Variants in CRACD observed in about 807,000 individuals in gnomAD.
The protein encoded by CRACD is capping protein-inhibiting regulator of actin dynamics.
CRACD carries 56 observed loss-of-function variants against 106.8 expected under a neutral mutation model. The observed-to-expected ratio is 0.52, with a 90% CI of 0.42 to 0.66. The LOEUF (loss-of-function observed/expected upper bound fraction) is 0.66, where lower values mean the gene tolerates loss of function less well. CRACD is among the 30% of genes least tolerant of loss of function. CRACD has a pLI of 0.00. For synonymous variants in CRACD, 754 were observed against 670.8 expected (o/e 1.12, Z -1.92); for missense variants, 1,730 against 1,623.2 (o/e 1.07, Z -1.13).
intron 2 of CRACD, among the ~76,000 whole-genome samples, chr4:56,269,754 A>C (rs1452120993): frequency 6.6e-6 from 1 of 151,780 alleles, no homozygotes; most frequent in Non-Finnish European, 1.5e-5. Flanking sequence ...CCACACTTTT[A>C]AGCAACCAGA....
intron 1 of CRACD, among the ~76,000 whole-genome samples, chr4:56,096,517 A>G (rs1319135178): frequency 6.6e-6 from 1 of 152,198 alleles, no homozygotes; most frequent in African/African-American, 2.4e-5. Context: ...GTTCAAGACC[A>G]GCCTGGATGA....
At position 56,199,694 on chromosome 4, in the gene CRACD, G is replaced by GA. The variant is rs992976675; in HGVS notation, c.-189+20268dup. ...GAAACTCCGTCTCAAAAAAAAAAAA[G>GA]AAAAGAAAAAAAAAGAAAAAGAGAA... is the stretch of plus-strand genomic sequence containing the variant. On this transcript the variant is annotated intron_variant, in intron 2 of 10. Transcript: ENST00000682029. Among the ~76,000 whole-genome samples the GA allele has an allele frequency of 1.9e-4, 23 of 120,296 alleles. 1 individual carries two copies. The highest frequency in any genetic ancestry group is 9.8e-4 in the South Asian group (3 of 3,074). The allele number at this position is 120,296 out of a possible 152,430, so 78.9% of individuals were successfully genotyped here. A position where few individuals can be genotyped will look rare whatever the true frequency, so the allele number is the denominator to read the frequency against.
intron 1 of CRACD, among the ~76,000 whole-genome samples, chr4:56,145,500 T>C (rs971340113): frequency 3.3e-5 from 5 of 152,232 alleles, no homozygotes; most frequent in Non-Finnish European, 5.9e-5. Flanking sequence ...AAATGAGTGT[T>C]CAGTGGAACA....
intron 1 of CRACD, among the ~76,000 whole-genome samples, chr4:56,121,387 C>A (rs1332700170): frequency 6.6e-6 from 1 of 152,122 alleles, no homozygotes; most frequent in East Asian, 1.9e-4. Flanking sequence ...CTTCCTATCA[C>A]AATACTGAGC....
chr4:56,293,418 A>AG (rs1176843483), intron 3 of CRACD, among the ~76,000 whole-genome samples: 41 of 152,362 alleles, frequency 2.7e-4, no homozygotes, highest in African/African-American at 9.6e-4. Context: ...CTGCTAAAAA[A>AG]CAAAGATAAA....
At chr4:56,268,748 C>A (rs1369225602) in intron 2 of CRACD, among the ~76,000 whole-genome samples, 1 of 152,174 alleles carries the variant, frequency 6.6e-6, no homozygotes, top group East Asian at 1.9e-4. Context: ...TGGTGCCTTA[C>A]AGAATGTTTT....
At chr4:56,260,657 T>C (rs760048077) in intron 2 of CRACD, among the ~76,000 whole-genome samples, 3 of 152,196 alleles carry the variant, frequency 2.0e-5, no homozygotes, top group African/African-American at 4.8e-5. Flanking sequence ...TGGGTGGGCC[T>C]GATTCAATAC....
intron 6 of CRACD, among the ~76,000 whole-genome samples, chr4:56,312,210 G>C (rs112934810): frequency 3.3e-5 from 5 of 152,258 alleles, no homozygotes; most frequent in African/African-American, 1.2e-4. Context: ...GGCTAGGCTA[G>C]AGTGCAGCCT....
chr4:56,309,345 G>A lies in CRACD; in HGVS notation c.286-1321G>A, dbSNP rs546321288. Among the ~76,000 whole-genome samples, 26 of 152,304 alleles carry A rather than the reference G, an allele frequency of 1.7e-4. No homozygotes were observed. In the South Asian group the frequency reaches 3.7e-3, roughly 22 times the overall value. ...TCTAAGTGTGGTGTGGAGAACAGAC[G>A]GAGGTAGGGCAAGCTGACATGGTTG... On this transcript the variant is annotated intron_variant, in intron 5 of 10. Transcript: ENST00000682029.
intron 1 of CRACD, 50 bp from the exon 2 acceptor site, chr4:56,179,232 AAG>A (rs1233067734): frequency 1.3e-5 from 2 of 152,020 alleles, no homozygotes; most frequent in Non-Finnish European, 2.9e-5. Flanking sequence ...AAGGCTCCCC[AAG>A]AGAGGATTGA....
At position 56,316,151 on chromosome 4, in the gene CRACD, G is replaced by T. The variant is rs1402089481; in HGVS notation, c.2649G>T (p.Pro883=). 1 of 1,614,164 alleles carries T rather than the reference G, an allele frequency of 6.2e-7. No homozygotes were observed. The highest frequency in any genetic ancestry group is 8.5e-7 in the Non-Finnish European group (1 of 1,180,020). The stretch of plus-strand genomic sequence containing the variant: ...CCGGAGACAGCGCGGATGCAGGGCC[G>T]CCTGCAGCGGGGAGCGCTCGTGGAG... ...SSTGDSADAG[P]PAAGSARGEK... The change falls in exon 8 of 11, where the codon CCG becomes CCT. Residue 883 remains proline (P), a synonymous_variant. Coordinates refer to ENST00000682029, the MANE Select transcript of CRACD (RefSeq NM_001393381.1).
In CRACD at chr4:56,315,585, G is replaced by A; in HGVS notation, c.2083G>A (p.Asp695Asn). 1 of 1,614,174 alleles carries A rather than the reference G, an allele frequency of 6.2e-7. No individual in the cohort carries two copies. Among genetic ancestry groups the A allele is most frequent in the Non-Finnish European group, 8.5e-7 (1 of 1,180,042 alleles). Residue 695 changes from aspartate (D) to asparagine (N), a missense_variant, in exon 8 of 11, where the codon GAT becomes AAT. Coordinates refer to ENST00000682029, the MANE Select transcript of CRACD (RefSeq NM_001393381.1). The surrounding 1 kb of genome is among the most constrained non-coding windows in gnomAD (Gnocchi z 4.1). Reference protein sequence around the residue: ...SSERDQLRPGDESTPRGRCDS... With the variant: ...SSERDQLRPGNESTPRGRCDS... ...CGAGAGGGACCAGTTGAGGCCCGGTGATGAGTCCACTCCCAGGGGCCGGTG... is the reference window on the plus strand; with the variant it reads ...CGAGAGGGACCAGTTGAGGCCCGGTAATGAGTCCACTCCCAGGGGCCGGTG...
At chr4:56,242,179 G>A (rs1040174172) in intron 2 of CRACD, among the ~76,000 whole-genome samples, 6 of 152,232 alleles carry the variant, frequency 3.9e-5, no homozygotes, top group African/African-American at 1.4e-4. Context: ...ACAATCGCAA[G>A]TCTTGAATAT....
chr4:56,245,117 T>TTCCA (rs1216679648), intron 2 of CRACD, among the ~76,000 whole-genome samples: 1 of 152,260 alleles, frequency 6.6e-6, no homozygotes, highest in Non-Finnish European at 1.5e-5. Context: ...GAAATGTTAA[T>TTCCA]TCCATCCTTG....
chr4:56,132,408 A>C (rs1024582921), intron 1 of CRACD, among the ~76,000 whole-genome samples: 1 of 152,132 alleles, frequency 6.6e-6, no homozygotes, highest in Non-Finnish European at 1.5e-5. Context: ...TGGTGTGATC[A>C]CGGCTCACTG....
intron 7 of CRACD, 116 bp downstream of exon 7, chr4:56,313,495 G>C: frequency 1.2e-6 from 1 of 837,310 alleles, no homozygotes. Context: ...TCTCCCCATC[G>C]GGAACTTGAG....
intron 2 of CRACD, among the ~76,000 whole-genome samples, chr4:56,206,979 G>A (rs1738151801): frequency 6.6e-6 from 1 of 152,184 alleles, no homozygotes; most frequent in African/African-American, 2.4e-5. Flanking sequence ...CAGTGCACCA[G>A]GGGGACTACT....
At chr4:56,310,799 T>G (rs5858374) in intron 6 of CRACD, 65 bp downstream of exon 6, 6 of 561,324 alleles carry the variant, frequency 1.1e-5, no homozygotes, top group African/African-American at 2.9e-5. Flanking sequence ...TCCCCCCCCC[T>G]TTTTTTTTTT....
chr4:56,266,837 C>A (rs1449477337), intron 2 of CRACD, among the ~76,000 whole-genome samples: 1 of 152,188 alleles, frequency 6.6e-6, no homozygotes, highest in Non-Finnish European at 1.5e-5. Context: ...CTCAGGTTTT[C>A]ATAATGGTCA....
Sources: allele counts gnomAD v4.1 joint callset (sites outside exome capture counted in the v4.1 genomes callset), GRCh38; gene constraint gnomAD v4.1.1; non-coding constraint Gnocchi (gnomAD v3.1); transcripts MANE v1.5; gene names NCBI Gene and HGNC (gene_info 2026-07-23, HGNC 2026-07-21).